The following MED17 variants were observed in gnomAD, a reference collection of about 807,000 sequenced individuals.
MED17 encodes mediator of RNA polymerase II transcription subunit 17.
Under a neutral mutation model 80.8 loss-of-function variants are expected in MED17, and 49 were observed. The ratio of observed to expected loss-of-function variants is 0.61; its 90% CI spans 0.48 to 0.77. MED17 has a LOEUF of 0.77. Ranked by LOEUF, MED17 falls within the 30% of genes least tolerant of loss-of-function variation. The pLI, the probability that MED17 is intolerant of heterozygous loss-of-function variation, is 0.00. For missense variants in MED17, 718 were observed against 787.0 expected (o/e 0.91, Z 1.05); for synonymous variants, 281 against 280.4 (o/e 1.00, Z -0.02).
At chr11:93,810,116 A>G (rs990714329) in intron 11 of MED17, 4 of 490,008 alleles carry the variant, frequency 8.2e-6, no homozygotes. Context: ...TAGTCTGAAA[A>G]GTATCATCAG....
At chr11:93,796,630 A>C (rs1943905993) in intron 7 of MED17, 90 bp downstream of exon 7, 3 of 1,396,378 alleles carry the variant, frequency 2.1e-6, no homozygotes, top group Non-Finnish European at 2.0e-6. Context: ...CTGAGTCTTG[A>C]TTATTCACAT....
chr11:93,787,613 T>G (rs1236398584), intron 1 of MED17, among the ~76,000 whole-genome samples: 2 of 152,220 alleles, frequency 1.3e-5, no homozygotes, highest in Admixed American at 1.3e-4. Flanking sequence ...GAAGATATGC[T>G]AATAGTGGCT....
rs1341548172 is a variant in MED17, at chr11:93,811,916, A to G, written c.1808A>G (p.Asp603Gly). ...CAGTTTCCTCGTAACCAATGTAAAG[A>G]CCTTCCAAAAAGTGATGTTTTACAA... ...MVQFPRNQCK[D>G]LPKSDVLQDN... Residue 603 changes from aspartate (D) to glycine (G), a missense_variant, in exon 12 of 12, where the codon GAC (aspartate) becomes GGC (glycine). Transcript: ENST00000251871. 6.2e-7 allele frequency: 1 copy of G among 1,614,078 alleles called. No homozygotes were observed. Among genetic ancestry groups the G allele is most frequent in the Non-Finnish European group, 8.5e-7 (1 of 1,180,006 alleles).
Position 93,802,779 on chromosome 11 carries a change from G to A in MED17, c.1466+807G>A, listed in dbSNP as rs535907994. Among the ~76,000 whole-genome samples the A allele has an allele frequency of 2.0e-5, 3 of 152,286 alleles. No individual in the cohort carries two copies. The South Asian group carries it at 6.2e-4, about 32-fold the overall frequency. ...ATGATTATGCCCTAAAAACTGGGTT[G>A]ATAACTGTGTGTCTGTGAAGGAGGT... is the stretch of plus-strand genomic sequence containing the variant. On this transcript the variant is annotated intron_variant, in intron 9 of 11. Transcript: ENST00000251871.
intron 2 of MED17, 48 bp from the exon 3 acceptor site, chr11:93,790,526 G>A (rs749318401): frequency 6.6e-7 from 1 of 1,508,808 alleles, no homozygotes; most frequent in South Asian, 1.2e-5. Context: ...TAATTTTAGA[G>A]TCATTTAAAA....
In MED17 at chr11:93,793,817, C is replaced by A; in HGVS notation, c.727C>A (p.Leu243Ile). 1 of 1,611,814 alleles carries A rather than the reference C, an allele frequency of 6.2e-7. No individual in the cohort carries two copies. The highest frequency in any genetic ancestry group is 8.5e-7 in the Non-Finnish European group (1 of 1,178,088). ...DKKIPEDYCP[L>I]DVQIPSDLEG... ...AAAGATACCTGAAGATTACTGTCCT[C>A]TTGATGTCCAAATTCCTAGTGATTT... Residue 243 changes from leucine to isoleucine, a missense_variant, in exon 4 of 12, where the codon CTT becomes ATT. Leu to Ile is a conservative substitution (Grantham distance 5). Coordinates refer to ENST00000251871, the MANE Select transcript of MED17 (RefSeq NM_004268.5).
chr11:93,801,436 C>T (rs147252680), intron 8 of MED17: 181 of 215,584 alleles, frequency 8.4e-4, no homozygotes, highest in African/African-American at 3.9e-3. Context: ...GGGTGTGTCC[C>T]AAGTCATTTG....
chr11:93,802,430 G>T (rs1049397671), intron 9 of MED17, among the ~76,000 whole-genome samples: 10 of 152,066 alleles, frequency 6.6e-5, no homozygotes, highest in African/African-American at 2.4e-4. Context: ...ATGGCAATTA[G>T]TTCTTAGGAG....
chr11:93,788,018 C>G lies in MED17; in HGVS notation c.268C>G (p.Pro90Ala), dbSNP rs1295092722. The G allele has an allele frequency of 1.2e-6, 2 of 1,613,678 alleles. No homozygotes were observed. The highest frequency in any genetic ancestry group is 2.7e-5 in the African/African-American group (2 of 74,848). The change falls in exon 2 of 12, where the codon CCT (proline) becomes GCT (alanine). Residue 90 changes from proline (P) to alanine (A), a missense_variant. Transcript: ENST00000251871. ...DDEEGVVKFQPSLWPWDSVRN... is the reference protein window; with the variant it reads ...DDEEGVVKFQASLWPWDSVRN... ...CTTTTTAGGAGTGGTAAAATTTCAG[C>G]CTTCCCTTTGGCCTTGGGACTCAGT...
chr11:93,792,617 T>G (rs1247186555), intron 3 of MED17, among the ~76,000 whole-genome samples: 1 of 151,944 alleles, frequency 6.6e-6, no homozygotes, highest in Non-Finnish European at 1.5e-5. Context: ...TTACCCAAAC[T>G]CCTGACCTAC....
At chr11:93,787,394 C>T (rs1272063846) in intron 1 of MED17, among the ~76,000 whole-genome samples, 1 of 151,218 alleles carries the variant, frequency 6.6e-6, no homozygotes, top group Non-Finnish European at 1.5e-5. Flanking sequence ...GCCTGGGTGA[C>T]AGAGCAAGAC....
chr11:93,787,927 A>G, intron 1 of MED17, 74 bp from the exon 2 acceptor site: 2 of 1,247,360 alleles, frequency 1.6e-6, no homozygotes, highest in South Asian at 2.4e-5. Flanking sequence ...GTACTTTTTA[A>G]ACCTAAGTGA....
intron 8 of MED17, among the ~76,000 whole-genome samples, chr11:93,797,948 A>G (rs1943921933): frequency 6.6e-6 from 1 of 152,132 alleles, no homozygotes; most frequent in Admixed American, 6.6e-5. Flanking sequence ...CTTTTTTGCA[A>G]AGACAACTGA....
At chr11:93,809,691 A>G (rs748298433) in intron 10 of MED17, 26 bp from the exon 11 acceptor site, 15 of 1,613,670 alleles carry the variant, frequency 9.3e-6, no homozygotes, top group South Asian at 1.1e-5. Context: ...GCTGACTGTC[A>G]GTCAAGTGTC....
chr11:93,797,666 A>G lies in MED17; in HGVS notation c.1275A>G (p.Glu425=). 1 of 1,613,876 alleles carries G rather than the reference A, an allele frequency of 6.2e-7. No individual in the cohort carries two copies. The highest frequency in any genetic ancestry group is 8.5e-7 in the Non-Finnish European group (1 of 1,179,772). Residue 425 remains glutamate (E), a synonymous_variant, in exon 8 of 12, where the codon GAA becomes GAG. Transcript: ENST00000251871. ...AAATTAATTCATTACAGTCCAGTGA[A>G]GGGCTTCTGGAAAAAATAATTAAAC... The part of the protein sequence containing the change: ...KNEINSLQSS[E]GLLEKIIKQA...
intron 1 of MED17, among the ~76,000 whole-genome samples, chr11:93,786,186 G>A (rs1943767905): frequency 6.6e-6 from 1 of 152,144 alleles, no homozygotes; most frequent in Admixed American, 6.6e-5. Context: ...AGTCCCTTCA[G>A]ACTGAAAAGA....
chr11:93,797,741 GT>G (rs777029450), intron 8 of MED17, 22 bp downstream of exon 8: 42 of 1,593,092 alleles, frequency 2.6e-5, no homozygotes, highest in Non-Finnish European at 3.6e-5. Context: ...GAAAGTTACT[GT>G]TTTCTGTTTT....
At chr11:93,804,014 T>C (rs940567118) in intron 9 of MED17, among the ~76,000 whole-genome samples, 1 of 24,928 alleles carries the variant, frequency 4.0e-5, no homozygotes, top group Non-Finnish European at 1.1e-4. Flanking sequence ...TATATATATA[T>C]ATATATATAT....
intron 2 of MED17, chr11:93,789,672 A>T (rs1943810610): frequency 6.6e-6 from 1 of 152,050 alleles, no homozygotes; most frequent in Non-Finnish European, 1.5e-5. Flanking sequence ...AGTGAAGTAC[A>T]TTTAATATTA....
Sources: gnomAD v4.1 joint callset for allele counts (sites outside exome capture counted in the v4.1 genomes callset) on GRCh38, gnomAD v4.1.1 for gene constraint, MANE v1.5 for transcripts, NCBI Gene and HGNC (gene_info 2026-07-23, HGNC 2026-07-21) for gene names.